APOO: variants seen among roughly 807,000 people sequenced by gnomAD.
APOO encodes apolipoprotein O, also known as MICOS complex subunit MIC26.
APOO carries 11 observed loss-of-function variants against 23.1 expected under a neutral mutation model. That is an observed-to-expected ratio of 0.48 (90% CI 0.30 to 0.79). The LOEUF (loss-of-function observed/expected upper bound fraction) is 0.79. Ranked by LOEUF, APOO falls within the 30% of genes least tolerant of loss-of-function variation. The pLI is 0.07. For synonymous variants in APOO, 59 were observed against 54.8 expected (o/e 1.08, Z -0.34); for missense variants, 160 against 142.7 (o/e 1.12, Z -0.62).
At chrX:23,851,028 A>C (rs1924511104) in intron 7 of APOO, among the ~76,000 whole-genome samples, 1 of 111,106 alleles carries the variant, frequency 9.0e-6, no homozygotes, top group African/African-American at 3.3e-5. Flanking sequence ...ATAAAGGCAA[A>C]AACAGGCAGG....
At chrX:23,843,583 T>C (rs952523641) in intron 7 of APOO, among the ~76,000 whole-genome samples, 3 of 94,184 alleles carry the variant, frequency 3.2e-5, no homozygotes, top group South Asian at 5.8e-4. Flanking sequence ...CAATTTCTTT[T>C]TTTTTTTTTT....
chrX:23,872,519 A>ATT (rs939316028), intron 4 of APOO, among the ~76,000 whole-genome samples: 1 of 85,392 alleles, frequency 1.2e-5, no homozygotes, highest in African/African-American at 5.5e-5. Flanking sequence ...TGTTATGAGA[A>ATT]TTTATATATA....
chrX:23,834,161 G>A (rs906985942), intron 8 of APOO, among the ~76,000 whole-genome samples: 7 of 109,928 alleles, frequency 6.4e-5, no homozygotes, highest in East Asian at 2.9e-4. Flanking sequence ...TTAGGAGGCC[G>A]AGGCAGGTGG....
intron 4 of APOO, among the ~76,000 whole-genome samples, chrX:23,873,457 A>G (rs1925709401): frequency 9.0e-6 from 1 of 110,521 alleles, no homozygotes; most frequent in African/African-American, 3.3e-5. Context: ...AAATACAAAA[A>G]CTAGGTGGAT....
At chrX:23,906,319 G>A (rs958674457) in intron 1 of APOO, among the ~76,000 whole-genome samples, 5 of 112,751 alleles carry the variant, frequency 4.4e-5, no homozygotes, top group African/African-American at 9.6e-5. Flanking sequence ...ACCCATATGC[G>A]TAACTAAAGG....
At chrX:23,854,791 G>A (rs1924707672) in intron 7 of APOO, among the ~76,000 whole-genome samples, 1 of 110,655 alleles carries the variant, frequency 9.0e-6, no homozygotes, top group African/African-American at 3.3e-5. Context: ...CCAAAGTGCT[G>A]GGATTACAGG....
At chrX:23,861,712 C>T (rs944487675) in intron 5 of APOO, among the ~76,000 whole-genome samples, 7 of 108,909 alleles carry the variant, frequency 6.4e-5, no homozygotes, top group African/African-American at 2.3e-4. Flanking sequence ...GCCCTGGGTG[C>T]ACCCTTGTAT....
intron 8 of APOO, among the ~76,000 whole-genome samples, chrX:23,838,633 T>A (rs550413991): frequency 9.2e-6 from 1 of 108,265 alleles, no homozygotes; most frequent in South Asian, 4.1e-4. Context: ...TTGGCCAGGG[T>A]GGTCTCGATC....
intron 4 of APOO, among the ~76,000 whole-genome samples, chrX:23,869,137 G>A (rs1331176800): frequency 7.3e-5 from 8 of 109,695 alleles, no homozygotes; most frequent in Non-Finnish European, 1.9e-5. Context: ...TCGAACTCCT[G>A]ACCTCAGGTG....
chrX:23,869,303 T>C (rs1486235734), intron 4 of APOO, among the ~76,000 whole-genome samples: 3 of 111,601 alleles, frequency 2.7e-5, no homozygotes, highest in Non-Finnish European at 5.6e-5. Flanking sequence ...GCAACAGATC[T>C]GAATCAGCAA....
intron 1 of APOO, among the ~76,000 whole-genome samples, chrX:23,898,135 G>A (rs1290979869): frequency 1.9e-5 from 2 of 106,402 alleles, no homozygotes; most frequent in African/African-American, 6.9e-5. Flanking sequence ...GTCTCATTCT[G>A]TCACTCAGGC....
intron 7 of APOO, among the ~76,000 whole-genome samples, chrX:23,851,568 CAT>C (rs1263508604): frequency 2.7e-5 from 3 of 112,562 alleles, no homozygotes; most frequent in Non-Finnish European, 5.6e-5. Context: ...TTAAACTATA[CAT>C]ATGTTATATA....
At chrX:23,863,861 A>G (rs1925213468) in intron 5 of APOO, among the ~76,000 whole-genome samples, 1 of 111,102 alleles carries the variant, frequency 9.0e-6, no homozygotes, top group South Asian at 3.8e-4. Flanking sequence ...GAGCCTGGAG[A>G]AACCTGAGAA....
At chrX:23,847,803 TTATA>T (rs565273617) in intron 7 of APOO, among the ~76,000 whole-genome samples, 1 of 100,672 alleles carries the variant, frequency 9.9e-6, no homozygotes, top group Non-Finnish European at 2.0e-5. Flanking sequence ...CAGCCTATAA[TTATA>T]TATATATATA....
At chrX:23,877,613 T>C (rs1329510755) in intron 3 of APOO, among the ~76,000 whole-genome samples, 1 of 109,730 alleles carries the variant, frequency 9.1e-6, no homozygotes, top group African/African-American at 3.3e-5. Context: ...GCCTCTACGA[T>C]AAATACAAAA....
At chrX:23,882,346 GT>G (rs1025427211) in intron 1 of APOO, among the ~76,000 whole-genome samples, 9 of 111,993 alleles carry the variant, frequency 8.0e-5, no homozygotes, top group South Asian at 3.6e-4. Flanking sequence ...CTGGCATTAC[GT>G]TTTGTATTAC....
At chrX:23,861,073 A>G (rs1246656174) in intron 5 of APOO, among the ~76,000 whole-genome samples, 2 of 110,857 alleles carry the variant, frequency 1.8e-5, no homozygotes, top group Non-Finnish European at 3.8e-5. Context: ...CCAGGAGTTC[A>G]AGGCTACTGT....
chrX:23,875,863 G>A (rs1199928567), intron 3 of APOO, among the ~76,000 whole-genome samples: 1 of 111,131 alleles, frequency 9.0e-6, no homozygotes, highest in Non-Finnish European at 1.9e-5. Flanking sequence ...ATTATTTCAC[G>A]CCTGTAATCC....
At chrX:23,902,221 C>T (rs1196394939) in intron 1 of APOO, among the ~76,000 whole-genome samples, 4 of 111,869 alleles carry the variant, frequency 3.6e-5, no homozygotes, top group Admixed American at 9.6e-5. Flanking sequence ...GCATCGTTAA[C>T]GGACCTTTAA....
Sources: allele counts gnomAD v4.1 joint callset (sites outside exome capture counted in the v4.1 genomes callset), GRCh38; gene constraint gnomAD v4.1.1; transcripts MANE v1.5; gene names NCBI Gene and HGNC (gene_info 2026-07-23, HGNC 2026-07-21).